SLC37A3: variants seen among roughly 807,000 people sequenced by gnomAD.
SLC37A3 encodes the protein sugar phosphate exchanger 3.
A neutral mutation model predicts 67.1 loss-of-function variants in SLC37A3; 51 were observed. The observed-to-expected ratio is 0.76, with a 90% CI of 0.61 to 0.96. The LOEUF (loss-of-function observed/expected upper bound fraction) is 0.96. Ranked by LOEUF, SLC37A3 falls within the 40% of genes least tolerant of loss-of-function variation. SLC37A3 has a pLI of 0.00. For missense variants in SLC37A3, 508 were observed against 603.0 expected (o/e 0.84, Z 1.65); for synonymous variants, 214 against 231.4 (o/e 0.92, Z 0.68).
At position 140,380,395 on chromosome 7, in the gene SLC37A3, A is replaced by ACTAC; in HGVS notation, c.90-6_90-5insGTAG. On this transcript the variant is annotated splice_region_variant and splice_polypyrimidine_tract_variant and intron_variant, in intron 2 of 14. Transcript: ENST00000326232. ...GAAGCATGGAGCAACGAATAACTAC[A>ACTAC]AAATAGAGAGAATACAGATGAATGA... 6.3e-7 allele frequency: 1 copy of ACTAC among 1,593,580 alleles called. No homozygotes were observed. Among genetic ancestry groups the ACTAC allele is most frequent in the Non-Finnish European group, 8.6e-7 (1 of 1,161,800 alleles).
In SLC37A3 at chr7:140,348,774, GA is replaced by G. The variant is rs776290323; in HGVS notation, c.883-8del. On this transcript the variant is annotated splice_polypyrimidine_tract_variant and splice_region_variant and intron_variant, in intron 9 of 14. Transcript: ENST00000326232. ...AGGCGTAGGCCAGTGAGTACTACAA[GA>G]AAAGCATTCAACTATCAGCGAGGGA... The G allele has an allele frequency of 2.8e-5, 45 of 1,613,274 alleles. No individual in the cohort carries two copies. The highest frequency in any genetic ancestry group is 3.7e-5 in the Non-Finnish European group (44 of 1,179,864).
At chr7:140,355,631 G>A in intron 7 of SLC37A3, 37 bp downstream of exon 7, 1 of 1,540,872 alleles carries the variant, frequency 6.5e-7, no homozygotes, top group African/African-American at 1.4e-5. Context: ...CACACAGAGA[G>A]AGAGAGAGAG....
intron 8 of SLC37A3, 158 bp downstream of exon 8, chr7:140,351,904 A>C: frequency 1.3e-6 from 1 of 762,304 alleles, no homozygotes; most frequent in Non-Finnish European, 2.3e-6. Context: ...GCTGGCTACA[A>C]TGTCGACAGG....
intron 3 of SLC37A3, among the ~76,000 whole-genome samples, chr7:140,376,286 G>T (rs771954408): frequency 7.2e-5 from 11 of 152,190 alleles, no homozygotes; most frequent in Non-Finnish European, 1.6e-4. Flanking sequence ...AAAAAAAGAA[G>T]AAAATTAACA....
intron 4 of SLC37A3, among the ~76,000 whole-genome samples, chr7:140,365,687 C>A (rs890183833): frequency 1.3e-5 from 2 of 152,138 alleles, no homozygotes; most frequent in East Asian, 3.9e-4. Flanking sequence ...CACCACTGCA[C>A]TCCAGCCTGG....
At chr7:140,346,031 T>G in intron 10 of SLC37A3, 61 bp from the exon 11 acceptor site, 1 of 1,228,790 alleles carries the variant, frequency 8.1e-7, no homozygotes, top group Non-Finnish European at 1.2e-6. Flanking sequence ...ACCTGAGGCG[T>G]GCTCCCCATT....
At chr7:140,340,214 T>C (rs1270676206) in intron 13 of SLC37A3, among the ~76,000 whole-genome samples, 1 of 152,188 alleles carries the variant, frequency 6.6e-6, no homozygotes, top group Admixed American at 6.5e-5. Flanking sequence ...TTTCATAATT[T>C]TAAGTTCTTC....
chr7:140,368,424 G>A (rs564174183), intron 4 of SLC37A3, among the ~76,000 whole-genome samples: 23 of 152,132 alleles, frequency 1.5e-4, no homozygotes, highest in East Asian at 3.9e-4. Context: ...AAAATTAGCC[G>A]GGCGTGGTGG....
chr7:140,378,043 C>T (rs1157132942), intron 3 of SLC37A3, among the ~76,000 whole-genome samples: 2 of 152,172 alleles, frequency 1.3e-5, no homozygotes, highest in South Asian at 2.1e-4. Context: ...TAGTTAATCA[C>T]CAAACTAGGG....
At chr7:140,388,841 T>C (rs1400458824) in intron 1 of SLC37A3, among the ~76,000 whole-genome samples, 1 of 149,436 alleles carries the variant, frequency 6.7e-6, no homozygotes, top group African/African-American at 2.4e-5. Context: ...CATTAAGCCA[T>C]CTTCTACTTT....
intron 9 of SLC37A3, among the ~76,000 whole-genome samples, chr7:140,350,863 T>G (rs2117074923): frequency 6.6e-6 from 1 of 152,198 alleles, no homozygotes; most frequent in South Asian, 2.1e-4. Context: ...CTATAATACT[T>G]CGAAAGGCCC....
chr7:140,340,765 C>CA (rs945446249), intron 13 of SLC37A3, among the ~76,000 whole-genome samples: 2 of 151,042 alleles, frequency 1.3e-5, no homozygotes, highest in African/African-American at 4.9e-5. Flanking sequence ...CCTGTCTCTA[C>CA]AAAAAAAATA....
intron 12 of SLC37A3, 135 bp downstream of exon 12, chr7:140,345,081 G>GT (rs1470365910): frequency 4.1e-6 from 3 of 736,172 alleles, no homozygotes; most frequent in Non-Finnish European, 6.7e-6. Flanking sequence ...AAAAGGAGGC[G>GT]TTTTTCCTTT....
chr7:140,395,748 T>G (rs1007454446), intron 1 of SLC37A3, among the ~76,000 whole-genome samples: 2 of 151,968 alleles, frequency 1.3e-5, no homozygotes, highest in African/African-American at 2.4e-5. Context: ...CTAGCACACC[T>G]AAACTCAGAG....
In SLC37A3 at chr7:140,390,638, C is replaced by T. The variant is rs1798691763; in HGVS notation, c.-71+7778G>A. Among the ~76,000 whole-genome samples the T allele has an allele frequency of 1.3e-5, 2 of 152,148 alleles. 1 individual carries two copies. The highest frequency in any genetic ancestry group is 4.1e-4 in the South Asian group (2 of 4,822). Reference sequence around the variant, plus strand: ...TCCCGTCCCATGGTCACCCAACCTCCATCCCCACCGCCAGGTGGATAAGCT... The same window carrying T: ...TCCCGTCCCATGGTCACCCAACCTCTATCCCCACCGCCAGGTGGATAAGCT... On this transcript the variant is annotated intron_variant, in intron 1 of 14. Coordinates refer to ENST00000326232, the MANE Select transcript of SLC37A3 (RefSeq NM_207113.3).
intron 2 of SLC37A3, among the ~76,000 whole-genome samples, chr7:140,381,516 T>G (rs1490607220): frequency 6.7e-6 from 1 of 149,360 alleles, no homozygotes; most frequent in African/African-American, 2.5e-5. Flanking sequence ...CAGGGTGAGA[T>G]CCCATCTCAA....
chr7:140,336,265 C>T (rs1291174125), intron 14 of SLC37A3, among the ~76,000 whole-genome samples: 1 of 152,162 alleles, frequency 6.6e-6, no homozygotes, highest in African/African-American at 2.4e-5. Flanking sequence ...CAAAAAGTTA[C>T]CAGGCATGGT....
At chr7:140,364,053 T>C (rs1354125140) in intron 5 of SLC37A3, among the ~76,000 whole-genome samples, 1 of 152,152 alleles carries the variant, frequency 6.6e-6, no homozygotes, top group Admixed American at 6.6e-5. Flanking sequence ...GGCCAGGAGA[T>C]AAGACTGGCC....
chr7:140,377,943 G>A (rs1048718252), intron 3 of SLC37A3, among the ~76,000 whole-genome samples: 2 of 152,012 alleles, frequency 1.3e-5, no homozygotes, highest in African/African-American at 2.4e-5. Flanking sequence ...CTGGCCTCAC[G>A]CCAGGCCGGC....
Sources: allele counts gnomAD v4.1 joint callset (sites outside exome capture counted in the v4.1 genomes callset), GRCh38; gene constraint gnomAD v4.1.1; transcripts MANE v1.5; gene names NCBI Gene and HGNC (gene_info 2026-07-23, HGNC 2026-07-21).